Variants in RACGAP1 observed in about 807,000 individuals in gnomAD.
RACGAP1 encodes the protein Rac GTPase activating protein 1.
In RACGAP1, 30 loss-of-function variants were observed where a neutral mutation model predicts 78.1. The ratio of observed to expected loss-of-function variants is 0.38; its 90% CI spans 0.29 to 0.52. The LOEUF (loss-of-function observed/expected upper bound fraction) is 0.52. Among genes scored for constraint, RACGAP1 ranks in the 20% least tolerant of loss-of-function variants. The pLI is 0.82. For missense variants in RACGAP1, 587 were observed against 777.1 expected, an observed-to-expected ratio of 0.76 and a Z score of 2.91; for synonymous variants, 231 against 264.8, an observed-to-expected ratio of 0.87 and a Z score of 1.24.
chr12:50,004,335 A>G (rs1216264609), intron 4 of RACGAP1, 31 bp from the exon 5 acceptor site: 3 of 1,565,434 alleles, frequency 1.9e-6, no homozygotes, highest in Non-Finnish European at 2.6e-6. Context: ...AACGTTAGAC[A>G]TGGTAGACTG....
At chr12:50,018,373 G>T in intron 1 of RACGAP1, 1 of 447,436 alleles carries the variant, frequency 2.2e-6, no homozygotes, top group Non-Finnish European at 3.9e-6. Flanking sequence ...AAGCTGCTAA[G>T]CAACCAGACC....
At chr12:50,027,069 AT>A (rs2137769826), upstream of RACGAP1, among the ~76,000 whole-genome samples, 1 of 152,214 alleles carries the variant, frequency 6.6e-6, no homozygotes, top group East Asian at 1.9e-4. Context: ...TGTAGAAATA[AT>A]AATCCCATCT....
intron 1 of RACGAP1, among the ~76,000 whole-genome samples, chr12:50,020,728 A>T (rs1268392250): frequency 6.6e-6 from 1 of 152,186 alleles, no homozygotes; most frequent in Non-Finnish European, 1.5e-5. Context: ...CATATAAAAC[A>T]CAAATTATAG....
At chr12:50,013,767 A>G (rs958421974) in intron 2 of RACGAP1, among the ~76,000 whole-genome samples, 1 of 152,224 alleles carries the variant, frequency 6.6e-6, no homozygotes, top group African/African-American at 2.4e-5. Context: ...CTACAGCTAA[A>G]GCTCAGCTCA....
chr12:50,020,828 C>T lies in RACGAP1; in HGVS notation c.-4-4109G>A, dbSNP rs562789721. 5.9e-5 allele frequency among the ~76,000 whole-genome samples: 9 copies of T among 152,300 alleles called. 1 individual carries two copies. The highest frequency in any genetic ancestry group is 1.9e-4 in the African/African-American group (8 of 41,574). On this transcript the variant is annotated intron_variant, in intron 1 of 16. Coordinates refer to ENST00000312377, the MANE Select transcript of RACGAP1 (RefSeq NM_001319999.2). ...AAGCTGTTCTAGATGAGGTTTGCTG[C>T]TTCTGAAGAGTTATTTTTTCCTCTA...
intron 15 of RACGAP1, 68 bp downstream of exon 15, chr12:49,991,930 G>A (rs1947909438): frequency 6.3e-7 from 1 of 1,582,612 alleles, no homozygotes; most frequent in Non-Finnish European, 8.5e-7. Flanking sequence ...AGCAAAGGCA[G>A]GAAGAGGTCA....
chr12:50,000,983 G>A (rs996098534), intron 7 of RACGAP1, among the ~76,000 whole-genome samples, 189 bp downstream of exon 7: 27 of 152,238 alleles, frequency 1.8e-4, no homozygotes, highest in Non-Finnish European at 2.1e-4. Flanking sequence ...GGAAGGTGGA[G>A]GTTACAGTGA....
At chr12:49,996,245 C>G (rs537980090) in intron 10 of RACGAP1, among the ~76,000 whole-genome samples, 16 of 151,294 alleles carry the variant, frequency 1.1e-4, no homozygotes, top group Admixed American at 3.3e-4. Context: ...GCCCAGGAGA[C>G]AGAGGCTGCA....
intron 5 of RACGAP1, among the ~76,000 whole-genome samples, chr12:50,003,920 A>G (rs996744769): frequency 3.9e-5 from 6 of 152,224 alleles, no homozygotes; most frequent in African/African-American, 1.4e-4. Flanking sequence ...CAGTCTTGCT[A>G]ATATTTTTAT....
At chr12:49,999,334 T>G in intron 8 of RACGAP1, 63 bp from the exon 9 acceptor site, 1 of 1,544,850 alleles carries the variant, frequency 6.5e-7, no homozygotes, top group Non-Finnish European at 8.7e-7. Flanking sequence ...AAATTTTAGC[T>G]CCAATTTTAA....
chr12:50,006,181 T>A (rs145126184), intron 3 of RACGAP1, among the ~76,000 whole-genome samples: 1 of 152,326 alleles, frequency 6.6e-6, no homozygotes, highest in African/African-American at 2.4e-5. Flanking sequence ...ATTCTTTAAG[T>A]TCTCATTTGA....
chr12:49,994,608 G>A (rs894079994), intron 10 of RACGAP1, 99 bp from the exon 11 acceptor site: 3 of 1,471,262 alleles, frequency 2.0e-6, no homozygotes, highest in Non-Finnish European at 2.7e-6. Flanking sequence ...TTCTCAAACT[G>A]GGACATCATG....
At position 50,001,883 on chromosome 12, in the gene RACGAP1, T is replaced by C. The variant is rs557594379; in HGVS notation, c.549+364A>G. 2.0e-3 allele frequency among the ~76,000 whole-genome samples: 302 copies of C among 152,102 alleles called. 1 individual carries two copies. The highest frequency in any genetic ancestry group is 6.9e-3 in the African/African-American group (288 of 41,506). ...GAGTTCAAGACCAGCCTGGCCAACA[T>C]GGTGAAACCCCGTTTCTACTAAAAA... On this transcript the variant is annotated intron_variant, in intron 6 of 16. Transcript: ENST00000312377.
intron 1 of RACGAP1, among the ~76,000 whole-genome samples, chr12:50,017,522 G>A (rs1481158325): frequency 6.6e-6 from 1 of 152,056 alleles, no homozygotes; most frequent in Non-Finnish European, 1.5e-5. Context: ...CGTTACAGGC[G>A]GTTCTATTCC....
At chr12:50,023,382 T>C (rs956306112) in intron 1 of RACGAP1, among the ~76,000 whole-genome samples, 1 of 152,224 alleles carries the variant, frequency 6.6e-6, no homozygotes, top group Non-Finnish European at 1.5e-5. Flanking sequence ...GCACATTCTT[T>C]AAGACCAAAT....
chr12:49,996,668 A>AAAAAAAAAAAAAAAAAAAAAT (rs1948302735), intron 10 of RACGAP1, among the ~76,000 whole-genome samples: 1 of 129,286 alleles, frequency 7.7e-6, no homozygotes, highest in African/African-American at 3.8e-5. Context: ...AAAAAAAAAA[A>AAAAAAAAAAAAAAAAAAAAAT]TGGACACAAG....
chr12:50,031,478 CAAAAAAAAA>C (rs56229939), intron 2 of RACGAP1, among the ~76,000 whole-genome samples: 22 of 71,898 alleles, frequency 3.1e-4, no homozygotes, highest in Non-Finnish European at 5.0e-4. Context: ...GACTCCATCT[CAAAAAAAAA>C]AAAAAAAAAA....
intron 6 of RACGAP1, among the ~76,000 whole-genome samples, 175 bp downstream of exon 6, chr12:50,002,072 G>GAAAAAAA (rs79466036): frequency 2.3e-5 from 2 of 87,224 alleles, no homozygotes; most frequent in Admixed American, 1.2e-4. Flanking sequence ...TCAAAAAAAA[G>GAAAAAAA]AAAAAAAAAA....
chr12:50,015,756 C>G (rs1360656280), intron 2 of RACGAP1, among the ~76,000 whole-genome samples: 2 of 151,046 alleles, frequency 1.3e-5, no homozygotes, highest in Non-Finnish European at 3.0e-5. Flanking sequence ...GAGCCGAGAT[C>G]GCACCACTGC....
Sources: allele counts gnomAD v4.1 joint callset (sites outside exome capture counted in the v4.1 genomes callset), GRCh38; gene constraint gnomAD v4.1.1; transcripts MANE v1.5; gene names NCBI Gene and HGNC (gene_info 2026-07-23, HGNC 2026-07-21).